Variants in FSTL4 observed in about 807,000 individuals in gnomAD.
FSTL4 encodes the protein follistatin like 4, also known as follistatin-related protein 4.
Under a neutral mutation model 78.2 loss-of-function variants are expected in FSTL4, and 28 were observed. The ratio of observed to expected loss-of-function variants is 0.36; its 90% CI spans 0.27 to 0.49. The LOEUF (loss-of-function observed/expected upper bound fraction) is 0.49, where lower values mean the gene tolerates loss of function less well. FSTL4 is among the 20% of genes least tolerant of loss of function. The pLI is 0.98. For missense variants in FSTL4, 922 were observed against 1,084.9 expected (o/e 0.85, Z 2.11); for synonymous variants, 422 against 440.5 (o/e 0.96, Z 0.53).
At chr5:133,353,807 C>T (rs1561683525) in intron 4 of FSTL4, among the ~76,000 whole-genome samples, 2 of 152,238 alleles carry the variant, frequency 1.3e-5, no homozygotes, top group South Asian at 2.1e-4. Flanking sequence ...TTGTTCACCA[C>T]GGGCCTCTGG....
chr5:133,785,968 G>A, the FSTL4 span, among the ~76,000 whole-genome samples: 1 of 152,174 alleles, frequency 6.6e-6, no homozygotes, highest in Admixed American at 6.5e-5. Flanking sequence ...GGACACCTTT[G>A]GGGGATTTTT....
At chr5:133,210,682 G>T (rs1750681983) in intron 13 of FSTL4, among the ~76,000 whole-genome samples, 1 of 151,932 alleles carries the variant, frequency 6.6e-6, no homozygotes. Context: ...GTAGAGATGG[G>T]ATTTCTCCAT....
chr5:133,531,173 T>G (rs1192666435), intron 3 of FSTL4, among the ~76,000 whole-genome samples: 1 of 152,216 alleles, frequency 6.6e-6, no homozygotes, highest in African/African-American at 2.4e-5. Context: ...ACACGGTTTC[T>G]TTCAACATCT....
intron 3 of FSTL4, among the ~76,000 whole-genome samples, chr5:133,433,940 T>C (rs1297635169): frequency 6.6e-6 from 1 of 150,970 alleles, no homozygotes; most frequent in East Asian, 1.9e-4. Context: ...TCCAGGGGCC[T>C]CCGAGCCATG....
chr5:133,369,252 G>A (rs1418397523), intron 4 of FSTL4, among the ~76,000 whole-genome samples: 1 of 152,172 alleles, frequency 6.6e-6, no homozygotes, highest in Non-Finnish European at 1.5e-5. Context: ...AGAGAATCAT[G>A]CCTCTTAATA....
chr5:133,745,453 T>G, the FSTL4 span, among the ~76,000 whole-genome samples: 1 of 152,232 alleles, frequency 6.6e-6, no homozygotes, highest in Non-Finnish European at 1.5e-5. Flanking sequence ...GAGGGCTGTG[T>G]AAAATTTATA....
chr5:133,540,577 T>G (rs1311288576), intron 3 of FSTL4, among the ~76,000 whole-genome samples: 17 of 151,996 alleles, frequency 1.1e-4, no homozygotes, highest in Admixed American at 1.1e-3. Flanking sequence ...ACCTGAAATC[T>G]TTTCTTAATT....
At chr5:133,819,159 A>C in the FSTL4 span, among the ~76,000 whole-genome samples, 1 of 150,806 alleles carries the variant, frequency 6.6e-6, no homozygotes, top group Non-Finnish European at 1.5e-5. Context: ...CTGGAGAGAG[A>C]CTGCACAAGG....
the FSTL4 span, among the ~76,000 whole-genome samples, chr5:133,626,698 G>T: frequency 3.9e-5 from 6 of 151,976 alleles, no homozygotes; most frequent in Non-Finnish European, 8.8e-5. Context: ...AAATTTTCCT[G>T]TACCTTTCTA....
chr5:133,673,296 T>G, the FSTL4 span, among the ~76,000 whole-genome samples: 4 of 152,192 alleles, frequency 2.6e-5, no homozygotes, highest in Non-Finnish European at 5.9e-5. Flanking sequence ...AGTACAGGTG[T>G]GGCACCTCCA....
chr5:133,427,657 G>A (rs1756852518), intron 3 of FSTL4: 1 of 530,700 alleles, frequency 1.9e-6, no homozygotes, highest in Non-Finnish European at 3.9e-6. Flanking sequence ...ACTCTGTTCA[G>A]TAGTTCTGAG....
rs547323751 is a variant in FSTL4 at position 133,577,741 on chromosome 5, C to CA, written c.127-10523dup. Among the ~76,000 whole-genome samples, 10 of 152,118 alleles carry CA rather than the reference C, an allele frequency of 6.6e-5. No homozygotes were observed. In the East Asian group the frequency reaches 1.5e-3, roughly 24 times the overall value. On this transcript the variant is annotated intron_variant, in intron 2 of 15. Transcript: ENST00000265342. ...CAACATAGTGAAACCCCCCTCTCTA[C>CA]AAAAAAATATGAAAATTAGCTGGGC...
At chr5:133,445,702 C>T (rs1397169637) in intron 3 of FSTL4, among the ~76,000 whole-genome samples, 1 of 152,184 alleles carries the variant, frequency 6.6e-6, no homozygotes, top group East Asian at 1.9e-4. Flanking sequence ...GGGCTTTCTT[C>T]CCCAAAACGT....
chr5:133,370,941 C>A (rs542302092), intron 4 of FSTL4, among the ~76,000 whole-genome samples: 1 of 152,296 alleles, frequency 6.6e-6, no homozygotes, highest in Admixed American at 6.5e-5. Flanking sequence ...AGAGATGGCT[C>A]TCCCCTGCCA....
chr5:133,286,999 G>A (rs889535618), intron 6 of FSTL4, among the ~76,000 whole-genome samples: 9 of 152,196 alleles, frequency 5.9e-5, no homozygotes, highest in African/African-American at 2.2e-4. Flanking sequence ...ACTCTAGGCA[G>A]CCCCTGCATT....
At chr5:133,368,242 C>T (rs745927946) in intron 4 of FSTL4, among the ~76,000 whole-genome samples, 30 of 152,370 alleles carry the variant, frequency 2.0e-4, no homozygotes, top group Admixed American at 1.3e-3. Context: ...CTACGGTCAG[C>T]CATGCAGCCA....
the FSTL4 span, among the ~76,000 whole-genome samples, chr5:133,672,076 T>C: frequency 4.6e-5 from 7 of 152,240 alleles, no homozygotes; most frequent in Non-Finnish European, 8.8e-5. Flanking sequence ...CAACTAGCAA[T>C]GGCTTTTAGT....
chr5:133,345,005 G>T, intron 4 of FSTL4, among the ~76,000 whole-genome samples: 1 of 134,718 alleles, frequency 7.4e-6, no homozygotes, highest in Non-Finnish European at 1.5e-5. Context: ...GTCTCGCTCT[G>T]TCTCCCAGGC....
At chr5:133,821,848 G>T in the FSTL4 span, among the ~76,000 whole-genome samples, 1 of 152,116 alleles carries the variant, frequency 6.6e-6, no homozygotes, top group Non-Finnish European at 1.5e-5. Flanking sequence ...GAGACTGGTC[G>T]GAAATTCAGT....
Sources: allele counts gnomAD v4.1 joint callset (sites outside exome capture counted in the v4.1 genomes callset), GRCh38; gene constraint gnomAD v4.1.1; transcripts MANE v1.5; gene names NCBI Gene and HGNC (gene_info 2026-07-23, HGNC 2026-07-21).